The following DEPDC5 variants were observed in gnomAD, a reference collection of about 807,000 sequenced individuals.
DEPDC5 encodes the protein DEP domain containing 5, GATOR1 subcomplex subunit.
Under a neutral mutation model 217.3 loss-of-function variants are expected in DEPDC5, and 73 were observed. That is an observed-to-expected ratio of 0.34 (90% CI 0.28 to 0.41). DEPDC5 has a LOEUF of 0.41. DEPDC5 is among the 10% of genes least tolerant of loss of function. DEPDC5 has a pLI of 1.00. For synonymous variants in DEPDC5, 733 were observed against 756.7 expected, an observed-to-expected ratio of 0.97 and a Z score of 0.51; for missense variants, 1,675 against 2,070.1, an observed-to-expected ratio of 0.81 and a Z score of 3.70.
At chr22:31,861,733 T>G (rs537203480) in intron 33 of DEPDC5, among the ~76,000 whole-genome samples, 1 of 152,336 alleles carries the variant, frequency 6.6e-6, no homozygotes, top group South Asian at 2.1e-4. Context: ...CATCTTCACT[T>G]TTAGGTTTTA....
chr22:31,782,761 G>A (rs1386352074), intron 8 of DEPDC5, among the ~76,000 whole-genome samples: 2 of 152,178 alleles, frequency 1.3e-5, no homozygotes, highest in African/African-American at 4.8e-5. Context: ...AATCTTCATA[G>A]AACCTTTGTA....
chr22:31,830,409 T>C (rs998507995), intron 24 of DEPDC5, among the ~76,000 whole-genome samples: 2 of 152,240 alleles, frequency 1.3e-5, no homozygotes, highest in Non-Finnish European at 2.9e-5. Flanking sequence ...AGGTTTCACC[T>C]CCATCATTGC....
intron 20 of DEPDC5, 138 bp from the exon 21 acceptor site, chr22:31,814,854 G>A (rs1455151940): frequency 2.5e-6 from 2 of 814,422 alleles, no homozygotes; most frequent in East Asian, 2.6e-5. Context: ...CCGCATACAG[G>A]TTTCCCACTT....
chr22:31,792,357 C>T (rs188763446), intron 11 of DEPDC5, among the ~76,000 whole-genome samples: 2 of 151,812 alleles, frequency 1.3e-5, no homozygotes, highest in South Asian at 2.1e-4. Flanking sequence ...TGTAATCCCA[C>T]GACTTTGGGA....
At chr22:31,833,848 C>T in intron 24 of DEPDC5, 67 bp from the exon 25 acceptor site, 1 of 1,373,090 alleles carries the variant, frequency 7.3e-7, no homozygotes, top group South Asian at 1.9e-5. Flanking sequence ...CTTTTTCAAC[C>T]ATAACTGGTC....
rs374871448 is a variant in DEPDC5, at chr22:31,874,368, G to A, written c.3659G>A (p.Gly1220Glu). ...VVHWLVNHVE[G>E]IQTQAMAIDI... The stretch of plus-strand genomic sequence containing the variant: ...CACTGGTTGGTGAACCACGTGGAGG[G>A]GATCCAGACACAGGCGATGGCCATT... The change falls in exon 36 of 43, where the codon GGG (glycine) becomes GAG (glutamate). Residue 1220 changes from glycine (G) to glutamate (E), a missense_variant. Transcript: ENST00000651528. 4.3e-6 allele frequency: 7 copies of A among 1,612,518 alleles called. No homozygotes were observed. The African/African-American group carries it at 9.3e-5, about 22-fold the overall frequency.
intron 26 of DEPDC5, 150 bp downstream of exon 26, chr22:31,837,305 T>A: frequency 1.4e-6 from 1 of 701,130 alleles, no homozygotes; most frequent in Non-Finnish European, 2.2e-6. Flanking sequence ...GGCCGTTAAA[T>A]AAAAAATTTT....
chr22:31,827,467 T>C (rs1312010749), intron 24 of DEPDC5, among the ~76,000 whole-genome samples: 1 of 152,242 alleles, frequency 6.6e-6, no homozygotes, highest in Non-Finnish European at 1.5e-5. Flanking sequence ...ATCTTTTGCC[T>C]GGATGCAGTA....
intron 2 of DEPDC5, among the ~76,000 whole-genome samples, chr22:31,756,038 A>ATTTTTTTTT (rs35222514): frequency 5.1e-5 from 6 of 116,838 alleles, no homozygotes; most frequent in African/African-American, 9.7e-5. Context: ...ACACCTGGCT[A>ATTTTTTTTT]TTTTTTTTTT....
chr22:31,760,480 A>G (rs1342694677), intron 3 of DEPDC5, among the ~76,000 whole-genome samples, 176 bp from the exon 4 acceptor site: 1 of 152,228 alleles, frequency 6.6e-6, no homozygotes, highest in Non-Finnish European at 1.5e-5. Context: ...CTGGGATTAC[A>G]GGCGTGAGCC....
intron 19 of DEPDC5, among the ~76,000 whole-genome samples, chr22:31,810,015 A>G (rs2088075901): frequency 6.6e-6 from 1 of 152,134 alleles, no homozygotes; most frequent in Non-Finnish European, 1.5e-5. Flanking sequence ...CCATGACAAC[A>G]AAACTATGTG....
At chr22:31,832,489 T>C (rs911235808) in intron 24 of DEPDC5, among the ~76,000 whole-genome samples, 1 of 152,096 alleles carries the variant, frequency 6.6e-6, no homozygotes, top group Non-Finnish European at 1.5e-5. Flanking sequence ...ACTGCACTTT[T>C]TTTTTTTTTT....
chr22:31,759,253 G>C (rs532750474), intron 3 of DEPDC5, among the ~76,000 whole-genome samples: 151 of 151,976 alleles, frequency 9.9e-4, no homozygotes, highest in African/African-American at 3.5e-3. Context: ...TTTTTTAGTA[G>C]AGATGGGGTT....
chr22:31,795,194 G>A (rs144631892), intron 12 of DEPDC5, among the ~76,000 whole-genome samples: 12 of 148,196 alleles, frequency 8.1e-5, no homozygotes, highest in African/African-American at 2.7e-4. Flanking sequence ...CTCAGCCTCC[G>A]GAGTAGCTGG....
At chr22:31,817,712 C>G (rs572197872) in intron 21 of DEPDC5, among the ~76,000 whole-genome samples, 372 of 152,162 alleles carry the variant, frequency 2.4e-3, no homozygotes, top group Non-Finnish European at 3.5e-3. Context: ...GTCTCGAACT[C>G]CTGGGCTCAA....
chr22:31,804,728 C>A, intron 16 of DEPDC5, 114 bp from the exon 17 acceptor site: 4 of 1,006,970 alleles, frequency 4.0e-6, no homozygotes, highest in Non-Finnish European at 6.0e-6. Flanking sequence ...GCATGACCCA[C>A]AGCGCCCAGC....
chr22:31,773,226 C>T (rs142153157), intron 7 of DEPDC5, among the ~76,000 whole-genome samples: 359 of 152,212 alleles, frequency 2.4e-3, no homozygotes, highest in Middle Eastern at 6.8e-3. Context: ...CTTCCTCTAT[C>T]GCCCAGGCTG....
intron 24 of DEPDC5, among the ~76,000 whole-genome samples, chr22:31,824,367 G>A (rs2089971425): frequency 6.6e-6 from 1 of 151,850 alleles, no homozygotes; most frequent in Admixed American, 6.6e-5. Context: ...AAAAAAGAAA[G>A]GTGTCATGAA....
At chr22:31,890,504 G>A (rs1303867291) in intron 38 of DEPDC5, 1 of 151,840 alleles carries the variant, frequency 6.6e-6, no homozygotes, top group African/African-American at 2.4e-5. Flanking sequence ...AAGGCTAGGA[G>A]TTCGAGATAA....
Sources: allele counts gnomAD v4.1 joint callset (sites outside exome capture counted in the v4.1 genomes callset), GRCh38; gene constraint gnomAD v4.1.1; transcripts MANE v1.5; gene names NCBI Gene and HGNC (gene_info 2026-07-23, HGNC 2026-07-21).